Variants in GRIN3A observed in about 807,000 individuals in gnomAD.
GRIN3A encodes the protein glutamate ionotropic receptor NMDA type subunit 3A.
A neutral mutation model predicts 92.4 loss-of-function variants in GRIN3A; 47 were observed. The ratio of observed to expected loss-of-function variants is 0.51; its 90% CI spans 0.40 to 0.65. The LOEUF is 0.65. GRIN3A is among the 30% of genes least tolerant of loss of function. The pLI, the probability that GRIN3A is intolerant of heterozygous loss-of-function variation, is 0.00. For missense variants in GRIN3A, 1,324 were observed against 1,393.1 expected (o/e 0.95, Z 0.79); for synonymous variants, 527 against 540.6 (o/e 0.97, Z 0.35).
intron 1 of GRIN3A, among the ~76,000 whole-genome samples, chr9:101,735,402 C>G (rs1830188948): frequency 6.6e-6 from 1 of 151,460 alleles, no homozygotes; most frequent in African/African-American, 2.4e-5. Context: ...TTATCCACCC[C>G]CCACCCCGGT....
At chr9:101,714,326 A>C (rs1450662606) in intron 1 of GRIN3A, among the ~76,000 whole-genome samples, 1 of 152,224 alleles carries the variant, frequency 6.6e-6, no homozygotes, top group East Asian at 1.9e-4. Flanking sequence ...CAGGAAAAGT[A>C]AATCCAATAA....
Position 101,594,385 on chromosome 9 carries a change from G to C in GRIN3A, c.2767-15025C>G, listed in dbSNP as rs1267657494. On this transcript the variant is annotated intron_variant, in intron 6 of 8. Transcript: ENST00000361820. ...GATAGGGAAGAAAGCAGAAGTTGTT[G>C]GGTGGTGCTTGTAAGAAAAAGGCTC... 2.6e-6 allele frequency: 4 copies of C among 1,565,556 alleles called. No homozygotes were observed. In the African/African-American group the frequency reaches 5.4e-5, roughly 21 times the overall value.
chr9:101,677,405 T>C (rs1829412590), intron 2 of GRIN3A, among the ~76,000 whole-genome samples: 1 of 152,000 alleles, frequency 6.6e-6, no homozygotes, highest in African/African-American at 2.4e-5. Flanking sequence ...CTCTCCCCCT[T>C]TTCTTTTTAG....
At chr9:101,698,026 A>G (rs1349546858) in intron 1 of GRIN3A, among the ~76,000 whole-genome samples, 1 of 152,204 alleles carries the variant, frequency 6.6e-6, no homozygotes, top group Non-Finnish European at 1.5e-5. Flanking sequence ...AGAGAGGAAT[A>G]AAGAACACAC....
At chr9:101,685,820 T>C (rs1829526581) in intron 2 of GRIN3A, among the ~76,000 whole-genome samples, 1 of 151,968 alleles carries the variant, frequency 6.6e-6, no homozygotes, top group Admixed American at 6.6e-5. Context: ...CAATCTATCA[T>C]CTATTATCTC....
At chr9:101,655,572 T>G (rs1829077108) in intron 3 of GRIN3A, among the ~76,000 whole-genome samples, 1 of 151,960 alleles carries the variant, frequency 6.6e-6, no homozygotes, top group Non-Finnish European at 1.5e-5. Context: ...TAGTTTAATA[T>G]GAGGCAGCAC....
chr9:101,628,127 A>G lies in GRIN3A; in HGVS notation c.2498+129T>C, dbSNP rs569379155. 88 of 814,420 alleles carry G rather than the reference A, an allele frequency of 1.1e-4. No homozygotes were observed. In the African/African-American group the frequency reaches 1.4e-3, roughly 13 times the overall value. The allele number at this position is 814,420 out of a possible 1,614,324, so 50.4% of individuals were successfully genotyped here. ...CATCTCCTGGGATCTCACACAGTGTAAAGTATTACTTAACACAACGTGGGT... is the reference window on the plus strand; with the variant it reads ...CATCTCCTGGGATCTCACACAGTGTGAAGTATTACTTAACACAACGTGGGT... On this transcript the variant is annotated intron_variant, in intron 4 of 8. Transcript: ENST00000361820.
intron 3 of GRIN3A, among the ~76,000 whole-genome samples, chr9:101,631,043 C>T (rs1828704441): frequency 6.6e-6 from 1 of 152,062 alleles, no homozygotes; most frequent in African/African-American, 2.4e-5. Context: ...TTTCGTAAGC[C>T]CTTACAGTAC....
At chr9:101,690,742 T>TA (rs1282628882) in intron 1 of GRIN3A, among the ~76,000 whole-genome samples, 1 of 152,080 alleles carries the variant, frequency 6.6e-6, no homozygotes, top group Non-Finnish European at 1.5e-5. Context: ...TATAAAGCAA[T>TA]AATAATTAAA....
At chr9:101,676,407 A>C (rs1304677523) in intron 2 of GRIN3A, among the ~76,000 whole-genome samples, 1 of 151,874 alleles carries the variant, frequency 6.6e-6, no homozygotes, top group Non-Finnish European at 1.5e-5. Context: ...CCCCCTGGGA[A>C]CTGTCTTTGT....
intron 1 of GRIN3A, among the ~76,000 whole-genome samples, chr9:101,734,716 C>A (rs1266986130): frequency 1.3e-5 from 2 of 151,878 alleles, no homozygotes; most frequent in Non-Finnish European, 2.9e-5. Context: ...ATGTAATCAG[C>A]AGCCCAAAAT....
At chr9:101,626,532 G>A (rs142613770) in intron 4 of GRIN3A, among the ~76,000 whole-genome samples, 1 of 152,236 alleles carries the variant, frequency 6.6e-6, no homozygotes, top group East Asian at 1.9e-4. Context: ...GAGAGTTAAG[G>A]CCCAGAGAGA....
Position 101,623,432 on chromosome 9 carries a change from T to A in GRIN3A, c.2500A>T (p.Asn834Tyr). 6.3e-7 allele frequency: 1 copy of A among 1,580,214 alleles called. No homozygotes were observed. Among genetic ancestry groups the A allele is most frequent in the Non-Finnish European group, 8.7e-7 (1 of 1,149,228 alleles). ...AAGGCGTCTAGTTTCTCTGGATCAT[T>A]CCTATATTTAAGACCAGAGGAGAAA... is the stretch of plus-strand genomic sequence containing the variant. ...ATPDGVEYLK[N>Y]DPEKLDAFIM... Residue 834 changes from asparagine to tyrosine, a missense_variant and splice_region_variant, in exon 5 of 9, where the codon AAT (asparagine) becomes TAT (tyrosine). By Grantham distance (143) the Asn-to-Tyr change is moderately radical. Transcript: ENST00000361820.
chr9:101,594,711 C>A (rs904678937), intron 6 of GRIN3A: 6 of 1,614,052 alleles, frequency 3.7e-6, no homozygotes, highest in Non-Finnish European at 5.1e-6. Flanking sequence ...TCCTTGAAGT[C>A]CACTTCTCCA....
chr9:101,630,318 C>T (rs1437865090), intron 3 of GRIN3A, among the ~76,000 whole-genome samples: 1 of 152,146 alleles, frequency 6.6e-6, no homozygotes, highest in Admixed American at 6.5e-5. Flanking sequence ...CTACCCAAAA[C>T]AACAACAATA....
rs10664535 is a variant in GRIN3A at position 101,634,332 on chromosome 9, CAAAAAA to C, written c.2353-5937_2353-5932del. On this transcript the variant is annotated intron_variant, in intron 3 of 8. Coordinates refer to ENST00000361820, the MANE Select transcript of GRIN3A (RefSeq NM_133445.3). Reference sequence around the variant, plus strand: ...TGGGTGACAGAGTGAGACTCCGTCTCAAAAAAAAAAAAAAAAAAAAGAAAATTACTC... The same window carrying C: ...TGGGTGACAGAGTGAGACTCCGTCTCAAAAAAAAAAAAAAGAAAATTACTC... 8.7e-3 allele frequency among the ~76,000 whole-genome samples: 599 copies of C among 68,730 alleles called. 6 individuals are homozygous for C. Among genetic ancestry groups the C allele is most frequent in the African/African-American group, 0.031 (489 of 15,846 alleles). The allele number at this position is 68,730 out of a possible 152,430, so 45.1% of individuals were successfully genotyped here. A position where few individuals can be genotyped will look rare whatever the true frequency, so the allele number is the denominator to read the frequency against.
At chr9:101,676,662 A>G (rs1829400142) in intron 2 of GRIN3A, among the ~76,000 whole-genome samples, 1 of 151,986 alleles carries the variant, frequency 6.6e-6, no homozygotes, top group Non-Finnish European at 1.5e-5. Flanking sequence ...CCTTCCTACC[A>G]GGATCACCTA....
chr9:101,574,845 A>G (rs1256457475), intron 8 of GRIN3A, among the ~76,000 whole-genome samples: 1 of 152,170 alleles, frequency 6.6e-6, no homozygotes, highest in African/African-American at 2.4e-5. Flanking sequence ...ACAAGTCCAG[A>G]ATGGCCTGCT....
chr9:101,737,322 CT>C lies in GRIN3A; in HGVS notation c.657del (p.Val220Ter), dbSNP rs1249765218. ...LDLVSLVLHIPVISIVRHEFP... is the reference protein window; with the variant it reads ...LDLVSLVLHIXVISIVRHEFP... The stretch of plus-strand genomic sequence containing the variant: ...AACTCGTGGCGCACGATGCTGATCA[CT>C]GGAATGTGCAGGACTAAGCTGACCA... On this transcript the variant is annotated frameshift_variant, in exon 1 of 9. Transcript: ENST00000361820. LOFTEE classifies it high-confidence loss of function. The C allele has an allele frequency of 1.2e-6, 2 of 1,614,214 alleles. No homozygotes were observed. Among genetic ancestry groups the C allele is most frequent in the Non-Finnish European group, 1.7e-6 (2 of 1,180,050 alleles).
Sources: gnomAD v4.1 joint callset for allele counts (sites outside exome capture counted in the v4.1 genomes callset) on GRCh38, gnomAD v4.1.1 for gene constraint, MANE v1.5 for transcripts, NCBI Gene and HGNC (gene_info 2026-07-23, HGNC 2026-07-21) for gene names.